Variants in METAP1D observed in about 807,000 individuals in gnomAD.
The protein encoded by METAP1D is methionine aminopeptidase 1D, mitochondrial.
In METAP1D, 31 loss-of-function variants were observed where a neutral mutation model predicts 40.5. The ratio of observed to expected loss-of-function variants is 0.77; its 90% CI spans 0.58 to 1.03. The LOEUF is 1.03. METAP1D is among the 50% of genes least tolerant of loss of function. METAP1D has a pLI of 0.00. For missense variants in METAP1D, 411 were observed against 420.7 expected (o/e 0.98, Z 0.20); for synonymous variants, 151 against 146.4 (o/e 1.03, Z -0.22).
chr2:172,032,086 C>T (rs1043325057), intron 1 of METAP1D, among the ~76,000 whole-genome samples: 10 of 152,138 alleles, frequency 6.6e-5, no homozygotes, highest in Admixed American at 3.3e-4. Flanking sequence ...GCTAATTTTA[C>T]CTGTTTTCTT....
intron 5 of METAP1D, among the ~76,000 whole-genome samples, chr2:172,070,430 A>G (rs1038696475): frequency 6.6e-6 from 1 of 152,192 alleles, no homozygotes; most frequent in African/African-American, 2.4e-5. Flanking sequence ...TGTCTATCTT[A>G]CTTCTTCTTG....
At chr2:172,002,122 A>G (rs1688480652) in intron 1 of METAP1D, among the ~76,000 whole-genome samples, 1 of 151,854 alleles carries the variant, frequency 6.6e-6, no homozygotes, top group Non-Finnish European at 1.5e-5. Flanking sequence ...TCTTTTCACA[A>G]GAAATCATGG....
intron 1 of METAP1D, among the ~76,000 whole-genome samples, chr2:172,034,401 GTT>G (rs60184291): frequency 0.055 from 8,016 of 145,840 alleles, 738 homozygotes; most frequent in East Asian, 0.47. Flanking sequence ...ATAAGTCTCA[GTT>G]TTTGTGTGTG....
chr2:172,024,750 G>GTGTGTGTGTGTGTGTGTA (rs1553491365), intron 1 of METAP1D, among the ~76,000 whole-genome samples: 9 of 52,854 alleles, frequency 1.7e-4, no homozygotes, highest in African/African-American at 2.5e-4. Flanking sequence ...CATATAGATT[G>GTGTGTGTGTGTGTGTGTA]TGTGTGTGTG....
At chr2:172,078,601 T>A (rs1690609590) in intron 7 of METAP1D, among the ~76,000 whole-genome samples, 1 of 152,166 alleles carries the variant, frequency 6.6e-6, no homozygotes, top group African/African-American at 2.4e-5. Flanking sequence ...ATAGAAGGAC[T>A]ACTCTTTCGG....
At chr2:172,079,823 G>A (rs1690657039) in intron 8 of METAP1D, among the ~76,000 whole-genome samples, 1 of 152,032 alleles carries the variant, frequency 6.6e-6, no homozygotes, top group Admixed American at 6.6e-5. Flanking sequence ...CTGGTGTTTG[G>A]GTGGTTATTA....
chr2:172,065,517 A>G (rs1574138591), intron 3 of METAP1D, 87 bp from the exon 4 acceptor site: 1 of 1,284,830 alleles, frequency 7.8e-7, no homozygotes, highest in African/African-American at 1.5e-5. Context: ...ACAGTCTCAC[A>G]TGGAAGTACT....
At chr2:172,075,885 C>T (rs1690529532) in intron 6 of METAP1D, among the ~76,000 whole-genome samples, 1 of 152,208 alleles carries the variant, frequency 6.6e-6, no homozygotes, top group Non-Finnish European at 1.5e-5. Flanking sequence ...GTGAAATCCT[C>T]TAACCTTTGC....
intron 1 of METAP1D, among the ~76,000 whole-genome samples, chr2:172,058,630 G>T (rs1357332115): frequency 6.6e-6 from 1 of 152,010 alleles, no homozygotes; most frequent in Non-Finnish European, 1.5e-5. Flanking sequence ...TCCCACATCA[G>T]CTGCCCTCCA....
intron 1 of METAP1D, among the ~76,000 whole-genome samples, chr2:172,007,785 G>A (rs1280868580): frequency 1.3e-5 from 2 of 152,072 alleles, no homozygotes; most frequent in African/African-American, 4.8e-5. Context: ...CTTCTCCTGG[G>A]TTCAAGCAGT....
chr2:172,026,476 G>A (rs562693713), intron 1 of METAP1D, among the ~76,000 whole-genome samples: 1 of 152,108 alleles, frequency 6.6e-6, no homozygotes, highest in South Asian at 2.1e-4. Context: ...ATTTCCTTAG[G>A]GAGAGCCCCA....
intron 1 of METAP1D, among the ~76,000 whole-genome samples, chr2:172,027,642 G>A (rs17428209): frequency 0.021 from 3,265 of 152,322 alleles, 58 homozygotes; most frequent in Non-Finnish European, 0.032. Context: ...GATTTTGTAC[G>A]TGTACACGTG....
chr2:172,042,518 T>C lies in METAP1D; in HGVS notation c.41-18980T>C, dbSNP rs1214496811. ...ATATATACATATATACATATGTATG[T>C]GTACATGTGTACATATATACATATA... is the stretch of plus-strand genomic sequence containing the variant. On this transcript the variant is annotated intron_variant, in intron 1 of 9. Transcript: ENST00000315796. 3.7e-5 allele frequency among the ~76,000 whole-genome samples: 2 copies of C among 54,674 alleles called. 1 individual carries two copies. The highest frequency in any genetic ancestry group is 1.5e-4 in the African/African-American group (2 of 13,416). The allele number at this position is 54,674 out of a possible 152,430, so 35.9% of individuals were successfully genotyped here.
At chr2:172,052,060 C>T (rs1387229935) in intron 1 of METAP1D, among the ~76,000 whole-genome samples, 1 of 152,144 alleles carries the variant, frequency 6.6e-6, no homozygotes, top group Non-Finnish European at 1.5e-5. Context: ...ATATTTATTT[C>T]AGACAAGTAT....
intron 1 of METAP1D, among the ~76,000 whole-genome samples, chr2:172,017,900 G>A (rs1278995571): frequency 6.6e-6 from 1 of 151,924 alleles, no homozygotes; most frequent in Non-Finnish European, 1.5e-5. Flanking sequence ...AGGCTGAGGC[G>A]GGTGAATCAC....
intron 5 of METAP1D, among the ~76,000 whole-genome samples, chr2:172,066,674 A>C (rs1690289921): frequency 6.6e-6 from 1 of 152,196 alleles, no homozygotes; most frequent in African/African-American, 2.4e-5. Flanking sequence ...GAGATGAGCT[A>C]ACACGAAGAA....
At chr2:172,019,269 T>C (rs1388776491) in intron 1 of METAP1D, among the ~76,000 whole-genome samples, 2 of 151,898 alleles carry the variant, frequency 1.3e-5, no homozygotes, top group Non-Finnish European at 2.9e-5. Context: ...GGAGGATCAC[T>C]TGAGCTGCCA....
At chr2:172,000,035 G>A (rs569458012) in intron 1 of METAP1D, 26 bp downstream of exon 1, 10 of 1,300,970 alleles carry the variant, frequency 7.7e-6, no homozygotes, top group East Asian at 3.1e-5. Context: ...AGAGCCCCGT[G>A]AGGGTTCGCA....
chr2:172,002,345 A>C (rs2105366792), intron 1 of METAP1D, among the ~76,000 whole-genome samples: 1 of 152,290 alleles, frequency 6.6e-6, no homozygotes, highest in African/African-American at 2.4e-5. Flanking sequence ...TTTTAGAATC[A>C]ATGACAAAAA....
Sources: allele counts gnomAD v4.1 joint callset (sites outside exome capture counted in the v4.1 genomes callset), GRCh38; gene constraint gnomAD v4.1.1; transcripts MANE v1.5; gene names NCBI Gene and HGNC (gene_info 2026-07-23, HGNC 2026-07-21).